The following ACOXL variants were observed in gnomAD, a reference collection of about 807,000 sequenced individuals.
ACOXL encodes the protein acyl-coenzyme A oxidase-like protein.
In ACOXL, 70 loss-of-function variants were observed where a neutral mutation model predicts 71.9. That is an observed-to-expected ratio of 0.97 (90% CI 0.80 to 1.19). ACOXL has a LOEUF of 1.19. ACOXL is among the 50% of genes most tolerant of loss of function. The probability of loss-of-function intolerance (pLI) is 0.00; values close to 1 mark genes in which losing one functional copy is unlikely to be tolerated. For synonymous variants in ACOXL, 253 were observed against 281.6 expected (o/e 0.90, Z 1.02); for missense variants, 703 against 736.3 (o/e 0.95, Z 0.52).
intron 12 of ACOXL, among the ~76,000 whole-genome samples, chr2:110,985,169 TA>T (rs1270863402): frequency 1.7e-4 from 5 of 28,636 alleles, no homozygotes; most frequent in African/African-American, 4.8e-4. Context: ...ACTGGATTGC[TA>T]TTATCATTTT....
chr2:110,990,561 A>G (rs1386147860), intron 13 of ACOXL, among the ~76,000 whole-genome samples: 1 of 152,188 alleles, frequency 6.6e-6, no homozygotes, highest in East Asian at 1.9e-4. Flanking sequence ...AAGCCATCTT[A>G]CAAGGTGTTC....
intron 1 of ACOXL, among the ~76,000 whole-genome samples, chr2:110,754,782 T>C (rs140099038): frequency 2.0e-5 from 3 of 152,376 alleles, no homozygotes; most frequent in African/African-American, 7.2e-5. Flanking sequence ...ATAAAGCTGC[T>C]GTAAACATTT....
At chr2:110,764,194 C>G (rs572520191) in intron 1 of ACOXL, among the ~76,000 whole-genome samples, 1 of 152,272 alleles carries the variant, frequency 6.6e-6, no homozygotes, top group East Asian at 1.9e-4. Flanking sequence ...CTTACGTGCA[C>G]ACAGAAACCT....
At chr2:110,988,875 GT>G (rs2063053777) in intron 13 of ACOXL, among the ~76,000 whole-genome samples, 1 of 151,734 alleles carries the variant, frequency 6.6e-6, no homozygotes, top group African/African-American at 2.4e-5. Flanking sequence ...GTGTGTGTGT[GT>G]GTGTGTGTGT....
intron 9 of ACOXL, among the ~76,000 whole-genome samples, chr2:110,834,874 A>G (rs1433421940): frequency 6.6e-6 from 1 of 152,244 alleles, no homozygotes; most frequent in Non-Finnish European, 1.5e-5. Context: ...AGTCTGGGTA[A>G]ATGAGAGACA....
At chr2:110,997,768 A>G (rs1031340823) in intron 14 of ACOXL, among the ~76,000 whole-genome samples, 3 of 152,190 alleles carry the variant, frequency 2.0e-5, no homozygotes, top group African/African-American at 7.2e-5. Context: ...AACAGTCACG[A>G]AATTGGCTGG....
chr2:111,091,627 A>G (rs2068528644), intron 16 of ACOXL, among the ~76,000 whole-genome samples: 1 of 152,232 alleles, frequency 6.6e-6, no homozygotes, highest in Non-Finnish European at 1.5e-5. Context: ...AGTTGCTCAC[A>G]CTATCTGAAG....
chr2:111,073,305 G>A (rs2067431088), intron 16 of ACOXL, among the ~76,000 whole-genome samples: 1 of 150,584 alleles, frequency 6.6e-6, no homozygotes, highest in Non-Finnish European at 1.5e-5. Context: ...TTATGCTTTT[G>A]ATGCCAAACC....
chr2:110,999,002 G>A (rs988871014), intron 14 of ACOXL, among the ~76,000 whole-genome samples: 2 of 152,198 alleles, frequency 1.3e-5, no homozygotes, highest in African/African-American at 4.8e-5. Context: ...TTGGGAAACA[G>A]CAAGATATTT....
chr2:110,983,424 G>A (rs904839559), intron 12 of ACOXL, among the ~76,000 whole-genome samples: 4 of 152,186 alleles, frequency 2.6e-5, no homozygotes, highest in African/African-American at 9.7e-5. Context: ...CCAAATGTTG[G>A]CTGTAGATTT....
intron 9 of ACOXL, among the ~76,000 whole-genome samples, chr2:110,818,936 C>G (rs1207020216): frequency 2.3e-5 from 2 of 87,268 alleles, no homozygotes; most frequent in African/African-American, 6.0e-5. Context: ...AGAGGACAGG[C>G]TGCATTCTGA....
At position 111,011,881 on chromosome 2, in the gene ACOXL, TAAAAAA is replaced by T. The variant is rs35965746; in HGVS notation, c.1281+15896_1281+15901del. 4.0e-3 allele frequency among the ~76,000 whole-genome samples: 453 copies of T among 112,554 alleles called. 3 individuals are homozygous for T. Among genetic ancestry groups the T allele is most frequent in the African/African-American group, 0.014 (424 of 29,536 alleles). 73.8% of individuals were successfully genotyped at this position (112,554 alleles called of 152,430 possible). ...CCTGGGCAGCAGAGTGAGACTCTGT[TAAAAAA>T]AAAAAAAAAAAAAAAAAAGGAGTGT... On this transcript the variant is annotated intron_variant, in intron 14 of 17. Coordinates refer to ENST00000439055, the MANE Select transcript of ACOXL (RefSeq NM_001142807.4).
intron 10 of ACOXL, among the ~76,000 whole-genome samples, chr2:110,892,602 G>A (rs1033662358): frequency 2.0e-5 from 3 of 152,054 alleles, no homozygotes; most frequent in African/African-American, 7.2e-5. Context: ...TTTTCTCTTA[G>A]GAAAATATTC....
chr2:110,889,417 T>C (rs1697686310), intron 10 of ACOXL, among the ~76,000 whole-genome samples: 1 of 152,258 alleles, frequency 6.6e-6, no homozygotes, highest in East Asian at 1.9e-4. Flanking sequence ...CAATGTGTTG[T>C]GCAGCCATCA....
chr2:110,993,983 A>G (rs899895334), intron 13 of ACOXL, among the ~76,000 whole-genome samples: 1 of 152,180 alleles, frequency 6.6e-6, no homozygotes, highest in Non-Finnish European at 1.5e-5. Context: ...CAATGTTTCT[A>G]TTTTTAAAGA....
intron 15 of ACOXL, among the ~76,000 whole-genome samples, chr2:111,048,290 T>C (rs1407215126): frequency 1.3e-5 from 2 of 152,226 alleles, no homozygotes; most frequent in East Asian, 3.9e-4. Context: ...GAGGCAGAAC[T>C]CTTCCCAGCA....
chr2:110,998,569 T>C (rs1383404986), intron 14 of ACOXL, among the ~76,000 whole-genome samples: 1 of 152,248 alleles, frequency 6.6e-6, no homozygotes, highest in Non-Finnish European at 1.5e-5. Flanking sequence ...CCATTAATTG[T>C]GATATCCCCT....
rs539729267 is a variant in ACOXL, at chr2:110,816,533, C to T, written c.753+11138C>T. Among the ~76,000 whole-genome samples, 4 of 152,320 alleles carry T rather than the reference C, an allele frequency of 2.6e-5. No individual in the cohort carries two copies. The East Asian group carries it at 7.7e-4, about 29-fold the overall frequency. On this transcript the variant is annotated intron_variant, in intron 9 of 17. Coordinates refer to ENST00000439055, the MANE Select transcript of ACOXL (RefSeq NM_001142807.4). ...CAGCTGAGGCAGGTGTGTATCTGGG[C>T]AATGACTGTTTTGTTTTTATTTCCT...
At chr2:110,800,939 C>T in intron 7 of ACOXL, among the ~76,000 whole-genome samples, 1 of 152,128 alleles carries the variant, frequency 6.6e-6, no homozygotes, top group East Asian at 1.9e-4. Flanking sequence ...GCTCTGGTGC[C>T]CTTGTAAGCT....
Sources: allele counts gnomAD v4.1 joint callset (sites outside exome capture counted in the v4.1 genomes callset), GRCh38; gene constraint gnomAD v4.1.1; transcripts MANE v1.5; gene names NCBI Gene and HGNC (gene_info 2026-07-23, HGNC 2026-07-21).